CFAP61: variants seen among roughly 807,000 people sequenced by gnomAD.
CFAP61 encodes cilia- and flagella-associated protein 61.
CFAP61 carries 107 observed loss-of-function variants against 135.6 expected under a neutral mutation model. The ratio of observed to expected loss-of-function variants is 0.79; its 90% CI spans 0.67 to 0.93. CFAP61 has a LOEUF of 0.93. Ranked by LOEUF, CFAP61 falls within the 40% of genes least tolerant of loss-of-function variation. The pLI, the probability that CFAP61 is intolerant of heterozygous loss-of-function variation, is 0.00. For synonymous variants in CFAP61, 575 were observed against 578.5 expected, an observed-to-expected ratio of 0.99 and a Z score of 0.09; for missense variants, 1,507 against 1,556.2, an observed-to-expected ratio of 0.97 and a Z score of 0.53.
At chr20:20,085,136 T>C in intron 6 of CFAP61, 1 of 985,470 alleles carries the variant, frequency 1.0e-6, no homozygotes, top group Non-Finnish European at 1.2e-6. Flanking sequence ...TCATCGCCAC[T>C]GGAACACTGT....
intron 13 of CFAP61, 121 bp from the exon 14 acceptor site, chr20:20,187,809 T>C (rs966478028): frequency 2.3e-5 from 17 of 753,040 alleles, no homozygotes; most frequent in Non-Finnish European, 3.7e-5. Flanking sequence ...CCCAGTGTTA[T>C]ATAAACATAC....
At chr20:20,066,268 G>A (rs1178518294) in intron 2 of CFAP61, among the ~76,000 whole-genome samples, 3 of 152,200 alleles carry the variant, frequency 2.0e-5, no homozygotes, top group Admixed American at 2.0e-4. Flanking sequence ...AGACAGTGTG[G>A]TGATTCCTCA....
intron 18 of CFAP61, among the ~76,000 whole-genome samples, chr20:20,235,888 G>C (rs57728974): frequency 0.019 from 2,919 of 152,260 alleles, 91 homozygotes; most frequent in African/African-American, 0.065. Context: ...GTGAGCCTCT[G>C]TGTGAGACCC....
At chr20:20,318,564 C>G (rs2057268140) in intron 25 of CFAP61, among the ~76,000 whole-genome samples, 1 of 152,164 alleles carries the variant, frequency 6.6e-6, no homozygotes, top group Non-Finnish European at 1.5e-5. Flanking sequence ...TTTGTCCCTG[C>G]TTCCTTCTCT....
chr20:20,290,030 C>CCGGATAATCA (rs1408227789), intron 23 of CFAP61, among the ~76,000 whole-genome samples: 1 of 152,128 alleles, frequency 6.6e-6, no homozygotes, highest in African/African-American at 2.4e-5. Context: ...GCGGGGAGCT[C>CCGGATAATCA]CGGATAATCA....
At chr20:20,358,957 G>T (rs1179247886) in intron 26 of CFAP61, among the ~76,000 whole-genome samples, 1 of 152,236 alleles carries the variant, frequency 6.6e-6, no homozygotes, top group Non-Finnish European at 1.5e-5. Flanking sequence ...TGTTTGGAAA[G>T]CAGCCAGCTC....
At chr20:20,316,881 G>C (rs2057167670) in intron 25 of CFAP61, 1 of 130,746 alleles carries the variant, frequency 7.6e-6, no homozygotes, top group Admixed American at 7.4e-5. Flanking sequence ...GACTCTGTCT[G>C]AAAAAAACCA....
intron 25 of CFAP61, among the ~76,000 whole-genome samples, chr20:20,308,696 G>A (rs749761584): frequency 2.6e-5 from 4 of 152,166 alleles, no homozygotes; most frequent in Non-Finnish European, 5.9e-5. Context: ...CCCAAGTCTT[G>A]ATTTGGGGTT....
chr20:20,132,759 T>A (rs2050640802), intron 8 of CFAP61, among the ~76,000 whole-genome samples: 1 of 152,128 alleles, frequency 6.6e-6, no homozygotes, highest in South Asian at 2.1e-4. Context: ...CCTTCTTTAG[T>A]GATGTTTTTG....
chr20:20,093,813 A>C (rs1247225612), intron 7 of CFAP61, among the ~76,000 whole-genome samples: 1 of 152,100 alleles, frequency 6.6e-6, no homozygotes, highest in Non-Finnish European at 1.5e-5. Flanking sequence ...GCAGGGGTAC[A>C]CTCAGGCCAA....
Position 20,074,261 on chromosome 20 carries a change from A to G in CFAP61, c.295-41A>G, listed in dbSNP as rs56306018. ...CACCCTGTGCTGACCTAGCCCGAAT[A>G]CTGACTCAGCCTTTAATCCGTGTTC... On this transcript the variant is annotated intron_variant, in intron 3 of 26. Transcript: ENST00000245957. The G allele has an allele frequency of 5.9e-3, 9,218 of 1,566,892 alleles. 480 individuals carry two copies. The African/African-American group carries it at 0.11, about 19-fold the overall frequency.
At position 20,360,210 on chromosome 20, in the gene CFAP61, G is replaced by T; in HGVS notation, c.3514G>T (p.Glu1172Ter). 1 of 1,610,830 alleles carries T rather than the reference G, an allele frequency of 6.2e-7. No homozygotes were observed. The highest frequency in any genetic ancestry group is 8.5e-7 in the Non-Finnish European group (1 of 1,177,116). ...TCTGGCCTCTTACTGTGTTTTACAG[G>T]AGGAAGATCTTCCTTCCATAGAGCA... ...ELRQILASKE[E>*]EDLPSIEQLA... Residue 1172 changes from glutamate to a stop codon, truncating the protein, a stop_gained and splice_region_variant, in exon 27 of 27, where the codon GAG (glutamate) becomes TAG (stop). Coordinates refer to ENST00000245957, the MANE Select transcript of CFAP61 (RefSeq NM_015585.4). LOFTEE classifies it low-confidence loss of function (END_TRUNC).
At chr20:20,104,029 C>T (rs552194685) in intron 8 of CFAP61, among the ~76,000 whole-genome samples, 70 of 152,290 alleles carry the variant, frequency 4.6e-4, no homozygotes, top group South Asian at 6.2e-4. Flanking sequence ...ATTATATACC[C>T]AGGGCCCACC....
intron 20 of CFAP61, among the ~76,000 whole-genome samples, chr20:20,255,005 T>G (rs1287995667): frequency 6.6e-6 from 1 of 152,252 alleles, no homozygotes; most frequent in Non-Finnish European, 1.5e-5. Flanking sequence ...GAAGCATTTC[T>G]GTTCTTAGTT....
At chr20:20,305,510 C>A (rs1009448384) in intron 25 of CFAP61, among the ~76,000 whole-genome samples, 3 of 152,212 alleles carry the variant, frequency 2.0e-5, no homozygotes, top group African/African-American at 7.2e-5. Flanking sequence ...CTGCCCACTC[C>A]AGCTTCTCAA....
chr20:20,229,977 C>G (rs2049010927), intron 18 of CFAP61, among the ~76,000 whole-genome samples: 1 of 152,128 alleles, frequency 6.6e-6, no homozygotes, highest in South Asian at 2.1e-4. Context: ...TTTATGCAAC[C>G]ATTTTCGAAT....
intron 6 of CFAP61, chr20:20,085,582 G>A: frequency 8.0e-7 from 1 of 1,255,756 alleles, no homozygotes. Context: ...AGGTTCATGA[G>A]CAGGCCTAGG....
At chr20:20,179,320 C>T (rs2146845845) in intron 13 of CFAP61, among the ~76,000 whole-genome samples, 1 of 152,174 alleles carries the variant, frequency 6.6e-6, no homozygotes, top group Non-Finnish European at 1.5e-5. Context: ...ATACACCTAA[C>T]CAGTGAGAGA....
intron 21 of CFAP61, among the ~76,000 whole-genome samples, chr20:20,270,359 G>C (rs1038610407): frequency 6.6e-6 from 1 of 152,088 alleles, no homozygotes; most frequent in Non-Finnish European, 1.5e-5. Flanking sequence ...ACAATTTCCA[G>C]ATGTTTTAAA....
Sources: gnomAD v4.1 joint callset for allele counts (sites outside exome capture counted in the v4.1 genomes callset) on GRCh38, gnomAD v4.1.1 for gene constraint, MANE v1.5 for transcripts, NCBI Gene and HGNC (gene_info 2026-07-23, HGNC 2026-07-21) for gene names.